The following DEGS2 variants were observed in gnomAD, a reference collection of about 807,000 sequenced individuals.
DEGS2 encodes the protein sphingolipid delta(4)-desaturase/C4-monooxygenase DES2.
A neutral mutation model predicts 23.8 loss-of-function variants in DEGS2; 19 were observed. The ratio of observed to expected loss-of-function variants is 0.80; its 90% CI spans 0.56 to 1.17. DEGS2 has a LOEUF of 1.17. DEGS2 is among the 50% of genes most tolerant of loss of function. The probability of loss-of-function intolerance (pLI) is 0.00; values close to 1 mark genes in which losing one functional copy is unlikely to be tolerated. For synonymous variants in DEGS2, 218 were observed against 213.7 expected (o/e 1.02, Z -0.18); for missense variants, 390 against 459.5 (o/e 0.85, Z 1.38).
At chr14:100,157,464 T>C (rs149801170) in intron 1 of DEGS2, among the ~76,000 whole-genome samples, 1 of 152,176 alleles carries the variant, frequency 6.6e-6, no homozygotes, top group South Asian at 2.1e-4. Context: ...TCAGACCTGC[T>C]GAGGGGCAGT....
At chr14:100,162,171 C>A (rs1381105258), upstream of DEGS2, among the ~76,000 whole-genome samples, 1 of 150,404 alleles carries the variant, frequency 6.6e-6, no homozygotes, top group Non-Finnish European at 1.5e-5. Context: ...CACAGTGAAA[C>A]CCCGTCTCTA....
the DEGS2 span, among the ~76,000 whole-genome samples, chr14:100,166,886 T>G: frequency 1.7e-4 from 26 of 152,208 alleles, no homozygotes; most frequent in South Asian, 1.0e-3. Context: ...CACTTTGAGA[T>G]GCCGAGGCGG....
intron 2 of DEGS2, 112 bp downstream of exon 2, chr14:100,148,856 C>T (rs763449950): frequency 2.6e-5 from 33 of 1,288,408 alleles, no homozygotes; most frequent in Non-Finnish European, 3.5e-5. Context: ...CCATGACTAG[C>T]ACAAAAAGGG....
chr14:100,150,018 G>A (rs990314403), intron 1 of DEGS2, among the ~76,000 whole-genome samples: 1 of 152,248 alleles, frequency 6.6e-6, no homozygotes, highest in Non-Finnish European at 1.5e-5. Context: ...GCAGGTCTGG[G>A]CCAGCGAAGA....
chr14:100,162,308 T>C (rs1889758639), upstream of DEGS2, among the ~76,000 whole-genome samples: 1 of 150,712 alleles, frequency 6.6e-6, no homozygotes. Flanking sequence ...TTTGCGCCAC[T>C]GCACTCCAGA....
At chr14:100,146,984 G>A in intron 2 of DEGS2, 77 bp from the exon 3 acceptor site, 3 of 1,527,412 alleles carry the variant, frequency 2.0e-6, no homozygotes, top group Non-Finnish European at 2.7e-6. Flanking sequence ...AGACACCTGA[G>A]CACACGCGGT....
intron 1 of DEGS2, among the ~76,000 whole-genome samples, chr14:100,153,837 C>T (rs1200228074): frequency 6.6e-6 from 1 of 152,220 alleles, no homozygotes; most frequent in East Asian, 1.9e-4. Context: ...TGGCCATGAA[C>T]AACAGCTGTT....
chr14:100,154,091 G>C (rs899337343), intron 1 of DEGS2, among the ~76,000 whole-genome samples: 1 of 152,200 alleles, frequency 6.6e-6, no homozygotes, highest in African/African-American at 2.4e-5. Context: ...AGATCTGGGC[G>C]CAGTGGCTCA....
upstream of DEGS2, chr14:100,159,775 G>C (rs1595281170): frequency 2.9e-6 from 1 of 339,182 alleles, no homozygotes; most frequent in Non-Finnish European, 5.3e-6. Flanking sequence ...GCGCTCTCCA[G>C]ACCCCGGCGG....
upstream of DEGS2, among the ~76,000 whole-genome samples, chr14:100,162,003 G>C (rs1889754272): frequency 6.6e-6 from 1 of 151,212 alleles, no homozygotes; most frequent in Non-Finnish European, 1.5e-5. Context: ...AGTGAGCTGA[G>C]ATTGCACCAT....
chr14:100,160,110 A>C (rs915554849), upstream of DEGS2: 1 of 152,384 alleles, frequency 6.6e-6, no homozygotes, highest in Non-Finnish European at 1.5e-5. Context: ...CGACGGTGCC[A>C]GTAAACAGGC....
the DEGS2 span, among the ~76,000 whole-genome samples, chr14:100,166,007 A>G: frequency 4.8e-5 from 1 of 20,752 alleles, no homozygotes; most frequent in Non-Finnish European, 9.6e-5. Context: ...TGCCCGGGAG[A>G]GTGGGGGGAG....
chr14:100,151,898 C>T (rs1244215688), intron 1 of DEGS2, among the ~76,000 whole-genome samples: 2 of 152,202 alleles, frequency 1.3e-5, no homozygotes, highest in East Asian at 1.9e-4. Context: ...AGCTCCAGAG[C>T]GCCCAGGTCC....
At chr14:100,159,675 T>G (rs560276283), upstream of DEGS2, 3 of 341,320 alleles carry the variant, frequency 8.8e-6, no homozygotes, top group Admixed American at 1.7e-4. Flanking sequence ...CAGCTCTGAT[T>G]AGGGCGGGGG....
chr14:100,152,492 G>T (rs1365199025), intron 1 of DEGS2, among the ~76,000 whole-genome samples: 1 of 152,182 alleles, frequency 6.6e-6, no homozygotes, highest in Non-Finnish European at 1.5e-5. Flanking sequence ...CATCCAATCA[G>T]CTAGGGCCCC....
Position 100,146,907 on chromosome 14 carries a change from C to T in DEGS2, c.826G>A (p.Val276Met). Residue 276 changes from valine (V) to methionine (M), a missense_variant and splice_region_variant, in exon 3 of 3, where the codon GTG becomes ATG. Transcript: ENST00000305631. Reference protein sequence around the residue: ...PSIPGYNLPLVRKIAPEYYDH... With the variant: ...PSIPGYNLPLMRKIAPEYYDH... ...TAGTACTCGGGCGCGATCTTCCGCA[C>T]CTGTAGAGAGGAGGGCGGGGCTCAG... 1 of 1,611,858 alleles carries T rather than the reference C, an allele frequency of 6.2e-7. No homozygotes were observed. The highest frequency in any genetic ancestry group is 8.5e-7 in the Non-Finnish European group (1 of 1,179,090).
rs1889505987 is a variant in DEGS2, at chr14:100,148,869, AGGCTGCTGG to A, written c.825+90_825+98del. On this transcript the variant is annotated intron_variant, in intron 2 of 2. Transcript: ENST00000305631. ...TGCCATGACTAGCACAAAAAGGGAG[AGGCTGCTGG>A]GCATGGCCCAAGGCCCTTCCAGGGC... is the stretch of plus-strand genomic sequence containing the variant. The A allele has an allele frequency of 2.2e-6, 3 of 1,366,864 alleles. No homozygotes were observed. The African/African-American group carries it at 4.4e-5, about 20-fold the overall frequency. 84.7% of individuals were successfully genotyped at this position (1,366,864 alleles called of 1,614,324 possible).
chr14:100,162,242 G>A (rs1457547971), upstream of DEGS2, among the ~76,000 whole-genome samples: 1 of 151,254 alleles, frequency 6.6e-6, no homozygotes, highest in Non-Finnish European at 1.5e-5. Flanking sequence ...CCAGCTACTC[G>A]GGAGGCTGAG....
Position 100,146,769 on chromosome 14 carries a change from C to G in DEGS2, c.964G>C (p.Gly322Arg), listed in dbSNP as rs1432133884. 7 of 1,613,296 alleles carry G rather than the reference C, an allele frequency of 4.3e-6. 1 individual carries two copies. The highest frequency in any genetic ancestry group is 1.7e-4 in the Middle Eastern group (1 of 6,058). The stretch of plus-strand genomic sequence containing the variant: ...CAGGAGGCAGCCCGGGCTCACAGAC[C>G]ATCTTTTGCCAGCCTGTACACCCGC... ...VKRVYRLAKD[G>R]L is the part of the protein sequence containing the mutation. Residue 322 changes from glycine (G) to arginine (R), a missense_variant, in exon 3 of 3, where the codon GGT becomes CGT. Physicochemically the swap from Gly to Arg is moderately radical, Grantham distance 125 (BLOSUM62 -2). Transcript: ENST00000305631.
Sources: allele counts gnomAD v4.1 joint callset (sites outside exome capture counted in the v4.1 genomes callset), GRCh38; gene constraint gnomAD v4.1.1; transcripts MANE v1.5; gene names NCBI Gene and HGNC (gene_info 2026-07-23, HGNC 2026-07-21).